The following FAAH2 variants were observed in gnomAD, a reference collection of about 807,000 sequenced individuals.
FAAH2 encodes the protein fatty-acid amide hydrolase 2.
FAAH2 carries 60 observed loss-of-function variants against 36.9 expected under a neutral mutation model. That is an observed-to-expected ratio of 1.63 (90% CI 1.32 to 2.02). FAAH2 has a LOEUF of 2.02. Among genes scored for constraint, FAAH2 ranks in the 30% most tolerant of loss-of-function variants. The pLI is 0.00. For synonymous variants in FAAH2, 214 were observed against 143.8 expected (o/e 1.49, Z -3.49); for missense variants, 689 against 397.5 (o/e 1.73, Z -6.23).
At chrX:57,395,647 T>C (rs1259562501) in intron 7 of FAAH2, among the ~76,000 whole-genome samples, 1 of 112,201 alleles carries the variant, frequency 8.9e-6, no homozygotes, top group Non-Finnish European at 1.9e-5. Context: ...TGTTTTTTAT[T>C]CTGTTTATGT....
intron 7 of FAAH2, among the ~76,000 whole-genome samples, chrX:57,408,535 C>CTATTTATTTATT (rs200375559): frequency 1.9e-3 from 190 of 101,941 alleles, no homozygotes; most frequent in East Asian, 8.4e-3. Flanking sequence ...AATTTGCATG[C>CTATTTATTTATT]TATTTATTTA....
At chrX:57,349,074 A>AT (rs1357121230) in intron 5 of FAAH2, among the ~76,000 whole-genome samples, 1 of 72,852 alleles carries the variant, frequency 1.4e-5, no homozygotes, top group Non-Finnish European at 2.8e-5. Context: ...TATATATATT[A>AT]TATATACACA....
the FAAH2 span, among the ~76,000 whole-genome samples, chrX:57,243,984 A>G: frequency 2.8e-5 from 3 of 108,879 alleles, no homozygotes; most frequent in Non-Finnish European, 5.7e-5. Context: ...CCAATGCAAA[A>G]AAGCTAAGAA....
chrX:57,387,365 G>A (rs998480646), intron 7 of FAAH2, among the ~76,000 whole-genome samples: 4 of 111,218 alleles, frequency 3.6e-5, no homozygotes, highest in African/African-American at 1.3e-4. Context: ...CTCAAGGAGT[G>A]CTATTTTAAA....
At chrX:57,322,840 T>G (rs1390603479) in intron 3 of FAAH2, among the ~76,000 whole-genome samples, 1 of 111,091 alleles carries the variant, frequency 9.0e-6, no homozygotes, top group Non-Finnish European at 1.9e-5. Flanking sequence ...GTTTTCCTTT[T>G]TTTTAATTAT....
rs184042641 is a variant in FAAH2 at position 57,431,945 on chromosome X, G to A, written c.1024G>A (p.Gly342Arg). ...TGTGGTTCACCTTGAAACTATTCTA[G>A]GAGCCTCAGTTCAACATGTTAAACT... The part of the protein sequence containing the change: ...KVVVHLETIL[G>R]ASVQHVKLKK... The change falls in exon 8 of 11, where the codon GGA becomes AGA. Residue 342 changes from glycine (G) to arginine (R), a missense_variant. Coordinates refer to ENST00000374900, the MANE Select transcript of FAAH2 (RefSeq NM_174912.4). 6.1e-5 allele frequency: 73 copies of A among 1,198,629 alleles called. No homozygotes were observed. The Middle Eastern group carries it at 9.3e-4, about 15-fold the overall frequency.
intron 5 of FAAH2, among the ~76,000 whole-genome samples, chrX:57,359,144 C>A (rs2054229616): frequency 9.0e-6 from 1 of 110,640 alleles, no homozygotes; most frequent in African/African-American, 3.3e-5. Flanking sequence ...TTTATTCTAT[C>A]TAACTATGTA....
intron 5 of FAAH2, among the ~76,000 whole-genome samples, chrX:57,365,159 T>C: frequency 8.9e-6 from 1 of 111,934 alleles, no homozygotes; most frequent in Non-Finnish European, 1.9e-5. Flanking sequence ...ACTTTTACTG[T>C]GTGGTTGTTT....
chrX:57,383,904 T>A (rs763379090), intron 7 of FAAH2, among the ~76,000 whole-genome samples: 59 of 111,713 alleles, frequency 5.3e-4, no homozygotes, highest in African/African-American at 1.7e-3. Flanking sequence ...GGAGGCATCA[T>A]GCTACCTGAC....
At chrX:57,433,925 G>A (rs1351062007) in intron 8 of FAAH2, among the ~76,000 whole-genome samples, 3 of 111,277 alleles carry the variant, frequency 2.7e-5, no homozygotes, top group Non-Finnish European at 5.7e-5. Context: ...AGAAATCAAC[G>A]TATAGATGCA....
At chrX:57,339,524 G>A (rs1288761375) in intron 4 of FAAH2, among the ~76,000 whole-genome samples, 2 of 109,924 alleles carry the variant, frequency 1.8e-5, no homozygotes, top group African/African-American at 6.7e-5. Flanking sequence ...TCTGACAAAG[G>A]TCTAATATGC....
chrX:57,171,323 A>C, the FAAH2 span, among the ~76,000 whole-genome samples: 1 of 111,801 alleles, frequency 8.9e-6, no homozygotes, highest in East Asian at 2.8e-4. Flanking sequence ...TCATTCTTCG[A>C]GCAATTTCCA....
chrX:57,370,598 A>G (rs2054525484), intron 5 of FAAH2, among the ~76,000 whole-genome samples: 1 of 111,781 alleles, frequency 8.9e-6, no homozygotes, highest in Non-Finnish European at 1.9e-5. Context: ...GATATAAACT[A>G]TACTCTAGAC....
At chrX:57,349,212 CA>C (rs1358129726) in intron 5 of FAAH2, among the ~76,000 whole-genome samples, 12 of 85,938 alleles carry the variant, frequency 1.4e-4, no homozygotes, top group Non-Finnish European at 2.7e-4. Context: ...TACATATATA[CA>C]TATATATGTG....
At chrX:57,378,574 T>C (rs1175795624) in intron 5 of FAAH2, 77 bp from the exon 6 acceptor site, 1 of 1,149,281 alleles carries the variant, frequency 8.7e-7, no homozygotes, top group Non-Finnish European at 1.2e-6. Flanking sequence ...TAAGATAGAT[T>C]AAACACCATA....
intron 7 of FAAH2, among the ~76,000 whole-genome samples, chrX:57,402,355 G>T (rs766339113): frequency 4.5e-5 from 5 of 112,095 alleles, no homozygotes; most frequent in African/African-American, 1.6e-4. Flanking sequence ...AATTTGCCCA[G>T]CTTTTCCGTG....
chrX:57,488,466 G>A (rs1349623622), intron 10 of FAAH2, among the ~76,000 whole-genome samples: 1 of 111,130 alleles, frequency 9.0e-6, no homozygotes, highest in Admixed American at 9.7e-5. Flanking sequence ...TCTGCATTCA[G>A]ATTTCAATTA....
chrX:57,386,969 A>G (rs1384637498), intron 7 of FAAH2, among the ~76,000 whole-genome samples: 1 of 112,172 alleles, frequency 8.9e-6, no homozygotes, highest in African/African-American at 3.2e-5. Flanking sequence ...TAGGAGTTTC[A>G]TTTCATATTG....
intron 10 of FAAH2, among the ~76,000 whole-genome samples, chrX:57,450,824 T>G (rs979104176): frequency 3.6e-5 from 4 of 111,514 alleles, no homozygotes; most frequent in Admixed American, 1.9e-4. Context: ...GCTTTAAAAT[T>G]ATTAATAATA....
Sources: allele counts gnomAD v4.1 joint callset (sites outside exome capture counted in the v4.1 genomes callset), GRCh38; gene constraint gnomAD v4.1.1; transcripts MANE v1.5; gene names NCBI Gene and HGNC (gene_info 2026-07-23, HGNC 2026-07-21).